Variants in OOEP observed in about 807,000 individuals in gnomAD.
OOEP encodes the protein oocyte expressed protein.
OOEP carries 16 observed loss-of-function variants against 13.7 expected under a neutral mutation model. That is an observed-to-expected ratio of 1.16 (90% CI 0.79 to 1.77). The LOEUF is 1.77. Ranked by LOEUF, OOEP falls within the 40% of genes most tolerant of loss-of-function variation. The probability of loss-of-function intolerance (pLI) is 0.00; values close to 1 mark genes in which losing one functional copy is unlikely to be tolerated. For missense variants in OOEP, 195 were observed against 193.1 expected (o/e 1.01, Z -0.06); for synonymous variants, 89 against 77.1 (o/e 1.15, Z -0.81).
chr6:73,389,154 C>T (rs963088083), intron 2 of OOEP, among the ~76,000 whole-genome samples: 8 of 152,176 alleles, frequency 5.3e-5, no homozygotes, highest in Admixed American at 2.0e-4. Flanking sequence ...AGGCTTCGGA[C>T]AGAAGAAACC....
At chr6:73,373,256 G>C, upstream of OOEP, 2 of 1,610,958 alleles carry the variant, frequency 1.2e-6, no homozygotes, top group African/African-American at 2.7e-5. Flanking sequence ...AGTCTTGTGA[G>C]AAGACATGGC....
chr6:73,378,045 T>A (rs1769157029), intron 2 of OOEP, among the ~76,000 whole-genome samples: 2 of 152,120 alleles, frequency 1.3e-5, no homozygotes, highest in South Asian at 4.1e-4. Flanking sequence ...CCTATTTAAT[T>A]TATGCCAAAT....
chr6:73,392,813 G>A (rs1435192347), intron 2 of OOEP, among the ~76,000 whole-genome samples: 1 of 151,328 alleles, frequency 6.6e-6, no homozygotes, highest in African/African-American at 2.4e-5. Context: ...TGTATTTTTA[G>A]TAGAGATGGG....
At chr6:73,382,691 C>T (rs1403086791) in intron 2 of OOEP, among the ~76,000 whole-genome samples, 1 of 151,856 alleles carries the variant, frequency 6.6e-6, no homozygotes, top group Non-Finnish European at 1.5e-5. Flanking sequence ...GCTAGGACTA[C>T]AGGCATGCAC....
exon 1 of OOEP, chr6:73,395,092 G>A: frequency 1.9e-6 from 3 of 1,614,140 alleles, no homozygotes; most frequent in Non-Finnish European, 2.5e-6. Context: ...GGCCGTGGCC[G>A]CTGGTCACGA....
At chr6:73,381,205 T>TAAAAAAAAAAAA (rs66507015) in intron 2 of OOEP, among the ~76,000 whole-genome samples, 9 of 100,980 alleles carry the variant, frequency 8.9e-5, no homozygotes, top group African/African-American at 2.1e-4. Flanking sequence ...AAAAAAGTGT[T>TAAAAAAAAAAAA]AAAAAAAAAA....
At chr6:73,379,638 CAAAAAA>C (rs370843381) in intron 2 of OOEP, among the ~76,000 whole-genome samples, 324 of 17,756 alleles carry the variant, frequency 0.018, 4 homozygotes, top group African/African-American at 0.054. Flanking sequence ...GACTCTATCT[CAAAAAA>C]AAAAAAAAAA....
At chr6:73,381,623 T>G (rs572378313) in intron 2 of OOEP, among the ~76,000 whole-genome samples, 106 of 152,330 alleles carry the variant, frequency 7.0e-4, no homozygotes, top group African/African-American at 2.4e-3. Context: ...GGATGGCCAG[T>G]ACACTCTTCT....
chr6:73,385,841 C>T (rs1769265858), intron 2 of OOEP, among the ~76,000 whole-genome samples: 1 of 152,142 alleles, frequency 6.6e-6, no homozygotes, highest in South Asian at 2.1e-4. Context: ...CCACCTTGGC[C>T]TCCCAAAGTG....
chr6:73,369,819 C>T lies in OOEP; in HGVS notation c.-27G>A. ...CTGGGACCAGCAGCCGCGGAGCGCG[C>T]TCGAGGCGGCTTTCGCAAGACCTCT... On this transcript the variant is annotated 5_prime_UTR_variant, in exon 1 of 3. Transcript: ENST00000370359. 1.9e-6 allele frequency: 3 copies of T among 1,598,514 alleles called. No individual in the cohort carries two copies. The highest frequency in any genetic ancestry group is 1.7e-6 in the Non-Finnish European group (2 of 1,171,266).
At chr6:73,377,979 C>T (rs1769156657) in intron 2 of OOEP, among the ~76,000 whole-genome samples, 1 of 152,198 alleles carries the variant, frequency 6.6e-6, no homozygotes, top group South Asian at 2.1e-4. Flanking sequence ...GCACCTACAA[C>T]CTATAGCTGT....
upstream of OOEP, chr6:73,373,241 C>A: frequency 6.2e-7 from 1 of 1,612,762 alleles, no homozygotes; most frequent in South Asian, 1.1e-5. Context: ...TCGCTTAATC[C>A]TGAAAGTCTT....
upstream of OOEP, chr6:73,372,993 A>C (rs1182903986): frequency 3.5e-6 from 3 of 860,090 alleles, no homozygotes; most frequent in African/African-American, 5.0e-5. Context: ...TAACAGATTC[A>C]GAGAGGAAAA....
intron 2 of OOEP, among the ~76,000 whole-genome samples, chr6:73,385,236 A>G (rs1318994534): frequency 6.6e-6 from 1 of 151,752 alleles, no homozygotes; most frequent in Non-Finnish European, 1.5e-5. Context: ...AGTCCCAGCT[A>G]CTTGGGAGGC....
At chr6:73,382,817 G>T (rs1053402328) in intron 2 of OOEP, among the ~76,000 whole-genome samples, 3 of 149,874 alleles carry the variant, frequency 2.0e-5, no homozygotes, top group Non-Finnish European at 4.4e-5. Context: ...GCCTCCCAAA[G>T]TGTGGTGAGC....
intron 2 of OOEP, among the ~76,000 whole-genome samples, chr6:73,379,722 G>T (rs1769177458): frequency 6.6e-6 from 1 of 151,294 alleles, no homozygotes; most frequent in African/African-American, 2.4e-5. Flanking sequence ...ACAACAGCTG[G>T]TTTCTCATAT....
At chr6:73,390,296 T>C (rs888318582) in intron 2 of OOEP, among the ~76,000 whole-genome samples, 1 of 152,212 alleles carries the variant, frequency 6.6e-6, no homozygotes, top group Non-Finnish European at 1.5e-5. Flanking sequence ...TTTTAGACTT[T>C]ATCTTTTAGA....
chr6:73,375,147 G>C (rs1448607006), intron 2 of OOEP, among the ~76,000 whole-genome samples: 1 of 152,076 alleles, frequency 6.6e-6, no homozygotes, highest in Non-Finnish European at 1.5e-5. Flanking sequence ...TTAAAAAACA[G>C]ACTTTCTTTG....
chr6:73,382,850 C>CTTTTTTTTTTTTTTT (rs765716551), intron 2 of OOEP, among the ~76,000 whole-genome samples: 1 of 102,266 alleles, frequency 9.8e-6, no homozygotes, highest in Non-Finnish European at 1.8e-5. Context: ...TGGTTTTTAA[C>CTTTTTTTTTTTTTTT]TTTTTTTTTT....
Sources: allele counts gnomAD v4.1 joint callset (sites outside exome capture counted in the v4.1 genomes callset), GRCh38; gene constraint gnomAD v4.1.1; transcripts MANE v1.5; gene names NCBI Gene and HGNC (gene_info 2026-07-23, HGNC 2026-07-21).